The following NRG1 variants were observed in gnomAD, a reference collection of about 807,000 sequenced individuals.
The protein encoded by NRG1 is neuregulin 1, also known as pro-neuregulin-1, membrane-bound isoform.
Under a neutral mutation model 63.8 loss-of-function variants are expected in NRG1, and 18 were observed. The ratio of observed to expected loss-of-function variants is 0.28; its 90% confidence interval spans 0.19 to 0.42. The LOEUF is 0.42. Ranked by LOEUF, NRG1 falls within the 10% of genes least tolerant of loss-of-function variation. The probability of loss-of-function intolerance (pLI) is 1.00; values close to 1 mark genes in which losing one functional copy is unlikely to be tolerated. For missense variants in NRG1, 762 were observed against 814.7 expected (o/e 0.94, Z 0.79); for synonymous variants, 302 against 301.3 (o/e 1.00, Z -0.02).
chr8:31,945,398 C>G (rs1486471652), intron 1 of NRG1, among the ~76,000 whole-genome samples: 2 of 152,214 alleles, frequency 1.3e-5, no homozygotes, highest in Non-Finnish European at 2.9e-5. Context: ...TCTGTTATAA[C>G]AGGCTTCCTG....
chr8:32,719,942 C>A (rs575369665), intron 5 of NRG1, among the ~76,000 whole-genome samples: 3 of 152,070 alleles, frequency 2.0e-5, no homozygotes, highest in African/African-American at 7.2e-5. Flanking sequence ...AATTGACTTT[C>A]TAATTTCATC....
intron 1 of NRG1, among the ~76,000 whole-genome samples, chr8:31,758,305 C>A (rs1247743635): frequency 1.3e-5 from 2 of 151,996 alleles, no homozygotes; most frequent in African/African-American, 4.8e-5. Flanking sequence ...TGAGAATGTG[C>A]AGTGTTTGGT....
chr8:32,130,571 G>A (rs1381802056), intron 1 of NRG1, among the ~76,000 whole-genome samples: 1 of 151,846 alleles, frequency 6.6e-6, no homozygotes, highest in African/African-American at 2.4e-5. Flanking sequence ...AACAATCCCT[G>A]CAAGGAACCA....
In NRG1 at chr8:32,191,817, TCAGAG is replaced by T. The variant is rs756937169; in HGVS notation, c.38-404010_38-404006del. ...AGAGCCAAGGCAGCTCCAAAGGATC[TCAGAG>T]TTGGAGGCAAGAGAGAGTCAAGGAA... On this transcript the variant is annotated intron_variant, in intron 1 of 10. Transcript: ENST00000519301. Among the ~76,000 whole-genome samples, 11 of 152,286 alleles carry T rather than the reference TCAGAG, an allele frequency of 7.2e-5. No homozygotes were observed. The East Asian group carries it at 1.2e-3, about 16-fold the overall frequency.
chr8:31,877,441 ATC>A (rs142581838), intron 1 of NRG1, among the ~76,000 whole-genome samples: 3 of 150,994 alleles, frequency 2.0e-5, no homozygotes, highest in African/African-American at 2.4e-5. Flanking sequence ...TCTTTTGGTT[ATC>A]TCTCTCTCTC....
At chr8:32,675,924 A>G (rs1413866313) in intron 5 of NRG1, among the ~76,000 whole-genome samples, 2 of 152,182 alleles carry the variant, frequency 1.3e-5, no homozygotes, top group East Asian at 3.8e-4. Context: ...GTAAACAGAA[A>G]TTTCTAGCCA....
At chr8:32,537,195 C>CA (rs71208193) in intron 1 of NRG1, among the ~76,000 whole-genome samples, 452 of 43,740 alleles carry the variant, frequency 0.01, 63 homozygotes, top group African/African-American at 0.02. Flanking sequence ...GACTCCATCT[C>CA]AAAAAAAAAA....
intron 1 of NRG1, among the ~76,000 whole-genome samples, chr8:32,184,543 GGA>G (rs1480444511): frequency 2.2e-4 from 33 of 151,498 alleles, no homozygotes; most frequent in African/African-American, 6.8e-4. Flanking sequence ...ATTTCCAATG[GGA>G]TAACATTTAA....
At chr8:32,160,003 A>G (rs1838649565) in intron 1 of NRG1, among the ~76,000 whole-genome samples, 1 of 152,176 alleles carries the variant, frequency 6.6e-6, no homozygotes, top group African/African-American at 2.4e-5. Context: ...TCTTGGGGAA[A>G]ATAAATAAGT....
intron 1 of NRG1, among the ~76,000 whole-genome samples, chr8:32,084,585 C>G (rs1827950594): frequency 6.6e-6 from 1 of 152,044 alleles, no homozygotes; most frequent in African/African-American, 2.4e-5. Flanking sequence ...TAAGAGATGC[C>G]ATGTGTTACT....
chr8:32,194,697 G>A (rs1029954562), intron 1 of NRG1, among the ~76,000 whole-genome samples: 7 of 152,052 alleles, frequency 4.6e-5, no homozygotes, highest in Admixed American at 4.6e-4. Flanking sequence ...AGTAGTGTTT[G>A]CTCCAAAACT....
intron 1 of NRG1, among the ~76,000 whole-genome samples, chr8:32,386,456 G>T (rs1811038930): frequency 6.6e-6 from 1 of 152,158 alleles, no homozygotes; most frequent in South Asian, 2.1e-4. Context: ...CTCATTCTAT[G>T]ATGGTGCCTT....
At chr8:32,419,071 T>C (rs1051716341) in intron 1 of NRG1, among the ~76,000 whole-genome samples, 1 of 152,206 alleles carries the variant, frequency 6.6e-6, no homozygotes, top group Non-Finnish European at 1.5e-5. Flanking sequence ...ATTGTATAGT[T>C]GTGTTTTTGA....
chr8:31,913,542 A>T (rs1315557249), intron 1 of NRG1, among the ~76,000 whole-genome samples: 2 of 152,192 alleles, frequency 1.3e-5, no homozygotes, highest in Non-Finnish European at 2.9e-5. Flanking sequence ...ATTGTCAGAT[A>T]CTGAGTTATC....
chr8:32,545,549 C>T (rs534055756), upstream of NRG1, among the ~76,000 whole-genome samples: 3 of 151,558 alleles, frequency 2.0e-5, no homozygotes, highest in East Asian at 5.8e-4. Context: ...AGGTTTTTTA[C>T]AAATGCAAAA....
At chr8:32,767,191 T>G (rs1472712797) in exon 12 of NRG1, 2 of 152,192 alleles carry the variant, frequency 1.3e-5, no homozygotes, top group African/African-American at 4.8e-5. Flanking sequence ...AGCATTCTAG[T>G]TTCTACAAAA....
At chr8:32,245,923 CAA>C (rs1188728305) in intron 1 of NRG1, among the ~76,000 whole-genome samples, 1 of 152,054 alleles carries the variant, frequency 6.6e-6, no homozygotes, top group Non-Finnish European at 1.5e-5. Context: ...AAAAATATCT[CAA>C]GTTTTCTGAG....
intron 1 of NRG1, among the ~76,000 whole-genome samples, chr8:32,530,413 A>G (rs1335500215): frequency 3.9e-5 from 6 of 152,278 alleles, no homozygotes; most frequent in African/African-American, 1.4e-4. Flanking sequence ...AGCCAGCTCC[A>G]TTATAATCTT....
intron 1 of NRG1, among the ~76,000 whole-genome samples, chr8:32,393,103 A>AAACAAC (rs760529224): frequency 3.3e-5 from 5 of 152,192 alleles, no homozygotes; most frequent in South Asian, 2.1e-4. Flanking sequence ...TTGCCTTTAA[A>AAACAAC]AACAACAACA....
Sources: gnomAD v4.1 joint callset for allele counts (sites outside exome capture counted in the v4.1 genomes callset) on GRCh38, gnomAD v4.1.1 for gene constraint, MANE v1.5 for transcripts, NCBI Gene and HGNC (gene_info 2026-07-23, HGNC 2026-07-21) for gene names.